MCM9: variants seen among roughly 807,000 people sequenced by gnomAD.
MCM9 encodes DNA helicase MCM9.
MCM9 carries 55 observed loss-of-function variants against 72.8 expected under a neutral mutation model. The ratio of observed to expected loss-of-function variants is 0.76; its 90% CI spans 0.61 to 0.95. MCM9 has a LOEUF of 0.95. Among genes scored for constraint, MCM9 ranks in the 40% least tolerant of loss-of-function variants. MCM9 has a pLI of 0.00. For missense variants in MCM9, 1,279 were observed against 1,377.0 expected, an observed-to-expected ratio of 0.93 and a Z score of 1.13; for synonymous variants, 480 against 503.4, an observed-to-expected ratio of 0.95 and a Z score of 0.62.
intron 5 of MCM9, chr6:118,918,728 T>C (rs936505914): frequency 6.6e-6 from 1 of 152,202 alleles, no homozygotes; most frequent in African/African-American, 2.4e-5. Flanking sequence ...TTTTGCATAA[T>C]AAACACTGTC....
chr6:118,830,288 T>C (rs896397483), intron 9 of MCM9, among the ~76,000 whole-genome samples: 8 of 152,238 alleles, frequency 5.3e-5, no homozygotes, highest in African/African-American at 1.7e-4. Flanking sequence ...ATCAGCAACA[T>C]GTATTACATT....
rs547840948 is a variant in MCM9 at position 118,895,090 on chromosome 6, T to A, written c.1150+16560A>T. On this transcript the variant is annotated intron_variant, in intron 8 of 13. Coordinates refer to ENST00000619706, the MANE Select transcript of MCM9 (RefSeq NM_017696.3). ...GGTGGAGTCGCCGCACTCTCCGGGC[T>A]GGCCATGCCTGGCCGCTTCGGGGAG... Among the ~76,000 whole-genome samples the A allele has an allele frequency of 3.5e-3, 537 of 152,252 alleles. 1 individual carries two copies. The highest frequency in any genetic ancestry group is 0.013 in the African/African-American group (522 of 41,566).
chr6:118,847,436 A>AG (rs1210424099), intron 9 of MCM9, among the ~76,000 whole-genome samples: 2 of 150,924 alleles, frequency 1.3e-5, no homozygotes, highest in African/African-American at 4.9e-5. Context: ...AAAAAAAAAA[A>AG]AAAAGAAATT....
chr6:118,884,080 T>C lies in MCM9; in HGVS notation c.1151-27535A>G, dbSNP rs551245336. 3.3e-4 allele frequency among the ~76,000 whole-genome samples: 50 copies of C among 152,320 alleles called. 1 individual carries two copies. The highest frequency in any genetic ancestry group is 1.9e-3 in the South Asian group (9 of 4,826). ...AATGCAGGTGGAAAGAAAGCTATAT[T>C]GGATTAAGGAAATGACTCCAGATGG... On this transcript the variant is annotated intron_variant, in intron 8 of 13. Transcript: ENST00000619706.
chr6:118,824,035 CTTTTTTTTTTTTTTTTTTTTTTT>C (rs137881254), intron 13 of MCM9, among the ~76,000 whole-genome samples: 5 of 54,294 alleles, frequency 9.2e-5, no homozygotes, highest in African/African-American at 2.3e-4. Flanking sequence ...GCAAACCCAC[CTTTTTTTTTTTTTTTTTTTTTTT>C]TTTTTTTTTT....
chr6:118,854,216 C>A (rs1010171713), intron 9 of MCM9, among the ~76,000 whole-genome samples: 1 of 152,098 alleles, frequency 6.6e-6, no homozygotes, highest in Non-Finnish European at 1.5e-5. Flanking sequence ...TCTTTTATTT[C>A]TTTTTCTTAC....
chr6:118,934,030 A>C (rs1161327327), intron 1 of MCM9, among the ~76,000 whole-genome samples: 1 of 151,566 alleles, frequency 6.6e-6, no homozygotes, highest in African/African-American at 2.4e-5. Context: ...TGATTCTATT[A>C]AAGCATATTA....
At position 118,827,908 on chromosome 6, in the gene MCM9, T is replaced by A. The variant is rs201876537; in HGVS notation, c.1732+19A>T. 64 of 1,550,034 alleles carry A rather than the reference T, an allele frequency of 4.1e-5. No homozygotes were observed. In the East Asian group the frequency reaches 1.5e-3, roughly 36 times the overall value. On this transcript the variant is annotated intron_variant, in intron 11 of 13. Coordinates refer to ENST00000619706, the MANE Select transcript of MCM9 (RefSeq NM_017696.3). Reference sequence around the variant, plus strand: ...CACGCAGCATTCAATACAAGCATCATTCGCTGAATGAAATAGACCTTCTGC... The same window carrying A: ...CACGCAGCATTCAATACAAGCATCAATCGCTGAATGAAATAGACCTTCTGC...
intron 8 of MCM9, among the ~76,000 whole-genome samples, chr6:118,863,508 A>C (rs1037107304): frequency 2.0e-5 from 3 of 152,242 alleles, no homozygotes; most frequent in Non-Finnish European, 4.4e-5. Context: ...ACAAATAAAA[A>C]TAGTAACAAA....
intron 9 of MCM9, among the ~76,000 whole-genome samples, chr6:118,840,968 T>A (rs2114613424): frequency 1.3e-5 from 2 of 152,232 alleles, no homozygotes; most frequent in Non-Finnish European, 2.9e-5. Context: ...CTCCTAGGCT[T>A]AAGCAATCCT....
At chr6:118,869,495 C>T (rs913624750) in intron 8 of MCM9, among the ~76,000 whole-genome samples, 6 of 147,780 alleles carry the variant, frequency 4.1e-5, no homozygotes, top group African/African-American at 4.9e-5. Context: ...ACAGAACAAA[C>T]GCCTATAACA....
intron 9 of MCM9, among the ~76,000 whole-genome samples, chr6:118,837,141 A>C (rs943823860): frequency 7.9e-5 from 12 of 152,176 alleles, no homozygotes; most frequent in African/African-American, 2.9e-4. Flanking sequence ...CCCAGTAGTC[A>C]TTCAGGAGCA....
chr6:118,910,738 A>G (rs1326685802), intron 8 of MCM9: 6 of 985,276 alleles, frequency 6.1e-6, no homozygotes, highest in African/African-American at 1.7e-5. Flanking sequence ...ACCCTTCTCA[A>G]TTCCAAAAAT....
chr6:118,843,668 ATG>A (rs1491470569), intron 9 of MCM9, among the ~76,000 whole-genome samples: 3,299 of 55,202 alleles, frequency 0.06, 175 homozygotes, highest in African/African-American at 0.12. Context: ...GTATATATAT[ATG>A]TATGTATATA....
chr6:118,885,950 A>C (rs1297983611), intron 8 of MCM9, among the ~76,000 whole-genome samples: 2 of 152,168 alleles, frequency 1.3e-5, no homozygotes, highest in East Asian at 3.9e-4. Context: ...TTATGTAGAA[A>C]GGATTATACA....
rs140891314 is a variant in MCM9 at position 118,853,679 on chromosome 6, C to T, written c.1325+2692G>A. On this transcript the variant is annotated intron_variant, in intron 9 of 13. Transcript: ENST00000619706. ...AAATAGCCAGGCATAGTGGTGCGTCCCCGTAAGTCCCAGCTACTCAGGGGT... is the reference window on the plus strand; with the variant it reads ...AAATAGCCAGGCATAGTGGTGCGTCTCCGTAAGTCCCAGCTACTCAGGGGT... 5.3e-3 allele frequency among the ~76,000 whole-genome samples: 807 copies of T among 152,192 alleles called. 8 individuals are homozygous for T. The highest frequency in any genetic ancestry group is 0.019 in the African/African-American group (781 of 41,520).
At chr6:118,827,713 T>C (rs1562400697) in intron 11 of MCM9, among the ~76,000 whole-genome samples, 1 of 152,080 alleles carries the variant, frequency 6.6e-6, no homozygotes. Flanking sequence ...GCACAAAGAT[T>C]CCTCTTTCTT....
At chr6:118,928,596 C>T (rs1222090302) in intron 3 of MCM9, among the ~76,000 whole-genome samples, 1 of 151,820 alleles carries the variant, frequency 6.6e-6, no homozygotes, top group African/African-American at 2.4e-5. Context: ...ACCTGTAATC[C>T]CAGTACTTTG....
intron 8 of MCM9, among the ~76,000 whole-genome samples, chr6:118,860,643 C>G (rs1270248301): frequency 6.6e-6 from 1 of 152,008 alleles, no homozygotes; most frequent in Non-Finnish European, 1.5e-5. Flanking sequence ...CAAGAAAACC[C>G]TACACTCAAG....
Sources: gnomAD v4.1 joint callset for allele counts (sites outside exome capture counted in the v4.1 genomes callset) on GRCh38, gnomAD v4.1.1 for gene constraint, MANE v1.5 for transcripts, NCBI Gene and HGNC (gene_info 2026-07-23, HGNC 2026-07-21) for gene names.